Variants in MAGI1 observed in about 807,000 individuals in gnomAD.
MAGI1 encodes the protein membrane-associated guanylate kinase, WW and PDZ domain-containing protein 1.
Under a neutral mutation model 139.9 loss-of-function variants are expected in MAGI1, and 58 were observed. The ratio of observed to expected loss-of-function variants is 0.41; its 90% CI spans 0.34 to 0.52. MAGI1 has a LOEUF of 0.52. Among genes scored for constraint, MAGI1 ranks in the 20% least tolerant of loss-of-function variants. The probability of loss-of-function intolerance (pLI) is 0.12; values close to 1 mark genes in which losing one functional copy is unlikely to be tolerated. For missense variants in MAGI1, 1,874 were observed against 1,901.6 expected (o/e 0.99, Z 0.27); for synonymous variants, 812 against 737.9 (o/e 1.10, Z -1.63).
Position 65,390,698 on chromosome 3 carries a change from A to C in MAGI1, c.2416+444T>G, listed in dbSNP as rs1575589303. Reference sequence around the variant, plus strand: ...TAGAGAGATTATAATGGTTAAAAAAAATTACCAGTATTTTTAAAAATCAAG... The same window carrying C: ...TAGAGAGATTATAATGGTTAAAAAACATTACCAGTATTTTTAAAAATCAAG... On this transcript the variant is annotated intron_variant, in intron 14 of 22. Coordinates refer to ENST00000402939, the MANE Select transcript of MAGI1 (RefSeq NM_001033057.2). 2.6e-5 allele frequency among the ~76,000 whole-genome samples: 4 copies of C among 152,290 alleles called. No individual in the cohort carries two copies. In the South Asian group the frequency reaches 8.3e-4, roughly 32 times the overall value.
At chr3:65,669,972 T>C (rs927469596) in intron 1 of MAGI1, among the ~76,000 whole-genome samples, 4 of 152,202 alleles carry the variant, frequency 2.6e-5, no homozygotes, top group African/African-American at 9.7e-5. Flanking sequence ...TCATCTCATC[T>C]TTTCTTAAAA....
chr3:65,850,493 G>C (rs1462979093), intron 1 of MAGI1, among the ~76,000 whole-genome samples: 1 of 152,072 alleles, frequency 6.6e-6, no homozygotes, highest in East Asian at 1.9e-4. Flanking sequence ...CCTCTTCCTG[G>C]AATGTAAAGA....
intron 2 of MAGI1, among the ~76,000 whole-genome samples, chr3:65,503,641 A>G (rs1223091876): frequency 6.6e-6 from 1 of 152,238 alleles, no homozygotes; most frequent in African/African-American, 2.4e-5. Context: ...CTTGCATGGA[A>G]GAACACTGTG....
chr3:65,678,098 C>T (rs1443190984), intron 1 of MAGI1, among the ~76,000 whole-genome samples: 1 of 152,140 alleles, frequency 6.6e-6, no homozygotes, highest in Non-Finnish European at 1.5e-5. Flanking sequence ...CGCATGTTCT[C>T]GCTCATAAGT....
chr3:65,799,903 C>G (rs553835461), intron 1 of MAGI1, among the ~76,000 whole-genome samples: 1 of 152,218 alleles, frequency 6.6e-6, no homozygotes, highest in South Asian at 2.1e-4. Flanking sequence ...GAGAAGATGT[C>G]TGGAAGTTGA....
chr3:65,508,681 C>T (rs753590650), intron 2 of MAGI1, among the ~76,000 whole-genome samples: 9 of 152,134 alleles, frequency 5.9e-5, no homozygotes, highest in Admixed American at 5.9e-4. Context: ...AGTCCAGATA[C>T]AATCCAGTCA....
In MAGI1 at chr3:65,903,521, A is replaced by G. The variant is rs956870686; in HGVS notation, c.313+134475T>C. Reference sequence around the variant, plus strand: ...AGCACTCATGAAATGTTCTTATCAAATGTAATGCAACACACACATACGCAC... The same window carrying G: ...AGCACTCATGAAATGTTCTTATCAAGTGTAATGCAACACACACATACGCAC... On this transcript the variant is annotated intron_variant, in intron 1 of 22. Transcript: ENST00000402939. 1.6e-4 allele frequency among the ~76,000 whole-genome samples: 25 copies of G among 152,278 alleles called. No homozygotes were observed. In the East Asian group the frequency reaches 4.4e-3, roughly 27 times the overall value.
At chr3:65,554,589 G>C (rs932477128) in intron 2 of MAGI1, among the ~76,000 whole-genome samples, 1 of 152,132 alleles carries the variant, frequency 6.6e-6, no homozygotes, top group Non-Finnish European at 1.5e-5. Flanking sequence ...CAACACCAAA[G>C]TGCTCCAGAA....
chr3:65,708,209 C>T (rs1388197768), intron 1 of MAGI1, among the ~76,000 whole-genome samples: 1 of 152,140 alleles, frequency 6.6e-6, no homozygotes, highest in South Asian at 2.1e-4. Context: ...CCTGGCTTTT[C>T]CCCCCTTTTA....
intron 8 of MAGI1, among the ~76,000 whole-genome samples, chr3:65,440,809 ATATGTATATGTGTACATG>A (rs1559556011): frequency 9.4e-5 from 14 of 148,958 alleles, no homozygotes; most frequent in Non-Finnish European, 2.1e-4. Flanking sequence ...ATATGTATAC[ATATGTATATGTGTACATG>A]TATACATATA....
chr3:65,550,382 C>T (rs1412131063), intron 2 of MAGI1, among the ~76,000 whole-genome samples: 1 of 152,136 alleles, frequency 6.6e-6, no homozygotes, highest in Non-Finnish European at 1.5e-5. Context: ...TTTTAGTAAA[C>T]TTCTAAGGCC....
intron 1 of MAGI1, among the ~76,000 whole-genome samples, chr3:65,881,044 GC>G (rs2060309011): frequency 6.6e-6 from 1 of 151,884 alleles, no homozygotes; most frequent in Non-Finnish European, 1.5e-5. Context: ...ACTAGCTGGG[GC>G]TACCTAATTT....
At chr3:65,509,342 C>G (rs960828958) in intron 2 of MAGI1, among the ~76,000 whole-genome samples, 1 of 152,196 alleles carries the variant, frequency 6.6e-6, no homozygotes, top group African/African-American at 2.4e-5. Flanking sequence ...CTACAGCTCC[C>G]AGCGTGAGCG....
chr3:65,625,438 T>G (rs937138930), intron 1 of MAGI1, among the ~76,000 whole-genome samples: 1 of 152,152 alleles, frequency 6.6e-6, no homozygotes, highest in East Asian at 1.9e-4. Context: ...CAGACGTGCC[T>G]ACTTCTGAAT....
At chr3:65,435,973 T>C (rs1267014948) in intron 10 of MAGI1, among the ~76,000 whole-genome samples, 1 of 152,136 alleles carries the variant, frequency 6.6e-6, no homozygotes, top group Non-Finnish European at 1.5e-5. Flanking sequence ...GAAGGAATTT[T>C]ATGTTTACAA....
intron 2 of MAGI1, among the ~76,000 whole-genome samples, chr3:65,566,721 T>A (rs2080671829): frequency 6.6e-6 from 1 of 152,166 alleles, no homozygotes; most frequent in African/African-American, 2.4e-5. Flanking sequence ...AATATATTTT[T>A]AAATGTATTT....
chr3:66,023,595 G>T (rs949187287), intron 1 of MAGI1, among the ~76,000 whole-genome samples: 1 of 152,178 alleles, frequency 6.6e-6, no homozygotes, highest in African/African-American at 2.4e-5. Context: ...ATGACTACCG[G>T]TCTTAGAGGT....
intron 22 of MAGI1, chr3:65,359,489 T>G (rs1251394374): frequency 9.4e-7 from 1 of 1,061,478 alleles, no homozygotes; most frequent in Non-Finnish European, 1.1e-6. Context: ...GCATTAACAA[T>G]AAACAACAAA....
intron 1 of MAGI1, among the ~76,000 whole-genome samples, chr3:65,769,087 T>C (rs1047439684): frequency 1.3e-5 from 2 of 152,132 alleles, no homozygotes; most frequent in East Asian, 3.8e-4. Context: ...TTTAAAAAAA[T>C]TGCAAAATTT....
Sources: allele counts gnomAD v4.1 joint callset (sites outside exome capture counted in the v4.1 genomes callset), GRCh38; gene constraint gnomAD v4.1.1; transcripts MANE v1.5; gene names NCBI Gene and HGNC (gene_info 2026-07-23, HGNC 2026-07-21).